Variants in PRKN observed in about 807,000 individuals in gnomAD.
PRKN encodes the protein E3 ubiquitin-protein ligase parkin.
In PRKN, 56 loss-of-function variants were observed where a neutral mutation model predicts 59.5. The ratio of observed to expected loss-of-function variants is 0.94; its 90% CI spans 0.76 to 1.18. The LOEUF (loss-of-function observed/expected upper bound fraction) is 1.18, where lower values mean the gene tolerates loss of function less well. Ranked by LOEUF, PRKN falls within the 50% of genes most tolerant of loss-of-function variation. PRKN has a pLI of 0.00. For synonymous variants in PRKN, 250 were observed against 222.1 expected, an observed-to-expected ratio of 1.13 and a Z score of -1.12; for missense variants, 657 against 596.4, an observed-to-expected ratio of 1.10 and a Z score of -1.06.
chr6:161,792,817 G>T (rs1335487101), intron 6 of PRKN, among the ~76,000 whole-genome samples: 1 of 152,196 alleles, frequency 6.6e-6, no homozygotes, highest in African/African-American at 2.4e-5. Flanking sequence ...GTAATTAAAA[G>T]AGGAAAGCTA....
At chr6:161,559,578 C>T (rs1780375720) in intron 8 of PRKN, among the ~76,000 whole-genome samples, 1 of 152,212 alleles carries the variant, frequency 6.6e-6, no homozygotes, top group Non-Finnish European at 1.5e-5. Context: ...GTCACTGCCA[C>T]CATCCTCCTT....
rs185526386 is a variant in PRKN at position 162,088,622 on chromosome 6, C to T, written c.535-34448G>A. Among the ~76,000 whole-genome samples, 12 of 152,174 alleles carry T rather than the reference C, an allele frequency of 7.9e-5. No individual in the cohort carries two copies. In the East Asian group the frequency reaches 9.7e-4, roughly 12 times the overall value. ...TATACCAACAAATAGATAACTTACA[C>T]GAAACGGGTAAATTCCAAGAAAGAC... On this transcript the variant is annotated intron_variant, in intron 4 of 11. Transcript: ENST00000366898.
intron 9 of PRKN, among the ~76,000 whole-genome samples, chr6:161,479,820 G>C (rs1303395613): frequency 6.6e-6 from 1 of 152,224 alleles, no homozygotes; most frequent in Non-Finnish European, 1.5e-5. Context: ...TATTGTGACA[G>C]TGTGGGGCTG....
Position 161,851,330 on chromosome 6 carries a change from C to T in PRKN, c.735-65422G>A, listed in dbSNP as rs1000861666. On this transcript the variant is annotated intron_variant, in intron 6 of 11. Coordinates refer to ENST00000366898, the MANE Select transcript of PRKN (RefSeq NM_004562.3). ...CCCATGATCTTGGACTTCCAGACTC[C>T]AGAACTATGAGCCAAATAAGTTTCT... Among the ~76,000 whole-genome samples the T allele has an allele frequency of 6.6e-5, 10 of 152,282 alleles. No individual in the cohort carries two copies. In the East Asian group the frequency reaches 1.9e-3, roughly 29 times the overall value.
chr6:161,801,692 T>A (rs1791087608), intron 6 of PRKN, among the ~76,000 whole-genome samples: 1 of 152,104 alleles, frequency 6.6e-6, no homozygotes, highest in Non-Finnish European at 1.5e-5. Flanking sequence ...TAACCTTCCA[T>A]CTCACACCTC....
intron 1 of PRKN, among the ~76,000 whole-genome samples, chr6:162,584,292 GA>G (rs967329306): frequency 2.0e-5 from 3 of 150,312 alleles, no homozygotes; most frequent in Non-Finnish European, 3.0e-5. Flanking sequence ...CCTGGACAGA[GA>G]ACATAGAACA....
intron 3 of PRKN, among the ~76,000 whole-genome samples, chr6:162,216,323 G>C (rs576213924): frequency 1.3e-3 from 203 of 151,874 alleles, no homozygotes; most frequent in African/African-American, 4.7e-3. Context: ...GAGGTCAGGA[G>C]ATCGAGATCA....
chr6:162,195,923 C>T (rs1784473826), intron 4 of PRKN, among the ~76,000 whole-genome samples: 1 of 152,198 alleles, frequency 6.6e-6, no homozygotes, highest in Non-Finnish European at 1.5e-5. Flanking sequence ...TATGTGCTCT[C>T]AGCTCACTTC....
At chr6:162,666,345 T>C (rs1252865761) in intron 1 of PRKN, among the ~76,000 whole-genome samples, 1 of 151,914 alleles carries the variant, frequency 6.6e-6, no homozygotes. Flanking sequence ...AATAAGTAAA[T>C]CTGCAAAGAA....
At chr6:162,493,084 G>A (rs1792893472) in intron 1 of PRKN, among the ~76,000 whole-genome samples, 1 of 151,936 alleles carries the variant, frequency 6.6e-6, no homozygotes. Flanking sequence ...TTCTTCCAGA[G>A]TTTTTTGTTT....
At chr6:161,638,712 T>C (rs1395094046) in intron 7 of PRKN, among the ~76,000 whole-genome samples, 1 of 150,130 alleles carries the variant, frequency 6.7e-6, no homozygotes, top group East Asian at 2.0e-4. Flanking sequence ...GTTTTTGTAA[T>C]AGTGAGTGAG....
chr6:162,295,328 G>T (rs1206175783), intron 2 of PRKN, among the ~76,000 whole-genome samples: 1 of 152,144 alleles, frequency 6.6e-6, no homozygotes, highest in Non-Finnish European at 1.5e-5. Context: ...TTATACTGGG[G>T]TTTGACAGAA....
chr6:162,599,137 A>C (rs1447850885), intron 1 of PRKN, among the ~76,000 whole-genome samples: 1 of 152,212 alleles, frequency 6.6e-6, no homozygotes, highest in African/African-American at 2.4e-5. Context: ...TTCCTGCTAC[A>C]AAACACCAGA....
intron 2 of PRKN, among the ~76,000 whole-genome samples, chr6:162,312,973 C>G (rs1428356843): frequency 6.6e-6 from 1 of 152,180 alleles, no homozygotes; most frequent in East Asian, 1.9e-4. Flanking sequence ...TTTCTTTAAT[C>G]TAGATGATAT....
chr6:161,886,046 G>C (rs1795136457), intron 6 of PRKN, among the ~76,000 whole-genome samples: 1 of 152,136 alleles, frequency 6.6e-6, no homozygotes, highest in Non-Finnish European at 1.5e-5. Context: ...GTGCTTTAAA[G>C]TATTTCCTGC....
At chr6:162,488,643 T>A (rs1191518444) in intron 1 of PRKN, among the ~76,000 whole-genome samples, 1 of 152,184 alleles carries the variant, frequency 6.6e-6, no homozygotes, top group Non-Finnish European at 1.5e-5. Context: ...TCTCTGAGTA[T>A]CACTTCCTCC....
At chr6:161,765,234 C>T (rs557269384) in intron 7 of PRKN, among the ~76,000 whole-genome samples, 3 of 152,232 alleles carry the variant, frequency 2.0e-5, no homozygotes, top group Admixed American at 1.3e-4. Context: ...AGAAGCTACC[C>T]GTGCCAGTCC....
At chr6:162,416,297 C>T (rs1788628044) in intron 2 of PRKN, among the ~76,000 whole-genome samples, 1 of 152,216 alleles carries the variant, frequency 6.6e-6, no homozygotes, top group African/African-American at 2.4e-5. Context: ...GACCCCACCT[C>T]TACCTGGTGA....
intron 1 of PRKN, among the ~76,000 whole-genome samples, chr6:162,723,487 G>C (rs566092671): frequency 6.6e-6 from 1 of 152,260 alleles, no homozygotes; most frequent in South Asian, 2.1e-4. Flanking sequence ...GGGGACCGGA[G>C]ATCCAGGAGG....
Sources: allele counts gnomAD v4.1 joint callset (sites outside exome capture counted in the v4.1 genomes callset), GRCh38; gene constraint gnomAD v4.1.1; transcripts MANE v1.5; gene names NCBI Gene and HGNC (gene_info 2026-07-23, HGNC 2026-07-21).